ALDH1L2: variants seen among roughly 807,000 people sequenced by gnomAD.
ALDH1L2 encodes the protein aldehyde dehydrogenase 1 family member L2, also known as mitochondrial 10-formyltetrahydrofolate dehydrogenase.
A neutral mutation model predicts 111.0 loss-of-function variants in ALDH1L2; 91 were observed. The ratio of observed to expected loss-of-function variants is 0.82; its 90% CI spans 0.69 to 0.98. ALDH1L2 has a LOEUF of 0.98. ALDH1L2 is among the 50% of genes least tolerant of loss of function. The pLI, the probability that ALDH1L2 is intolerant of heterozygous loss-of-function variation, is 0.00. For missense variants in ALDH1L2, 995 were observed against 1,126.8 expected, an observed-to-expected ratio of 0.88 and a Z score of 1.67; for synonymous variants, 374 against 392.6, an observed-to-expected ratio of 0.95 and a Z score of 0.56.
At chr12:105,069,110 A>G (rs573869548) in intron 3 of ALDH1L2, among the ~76,000 whole-genome samples, 39 of 152,278 alleles carry the variant, frequency 2.6e-4, no homozygotes, top group African/African-American at 9.4e-4. Flanking sequence ...TTTCTTGTTA[A>G]TGTACAGTAA....
Position 105,030,336 on chromosome 12 carries a change from T to G in ALDH1L2, c.2504A>C (p.Lys835Thr), listed in dbSNP as rs1376609982. Residue 835 changes from lysine to threonine, a missense_variant, in exon 21 of 23, where the codon AAA (lysine) becomes ACA (threonine). By Grantham distance (78) the Lys-to-Thr change is moderately conservative. Coordinates refer to ENST00000258494, the MANE Select transcript of ALDH1L2 (RefSeq NM_001034173.4). ...CTGAAGAACCTACCCATTTTGGAAT[T>G]TAGAAATGACCATAATAGGCCCAAA... is the stretch of plus-strand genomic sequence containing the variant. Reference protein sequence around the residue: ...ESFGPIMVISKFQNGDIDGVL... With the variant: ...ESFGPIMVISTFQNGDIDGVL... The G allele has an allele frequency of 3.1e-6, 5 of 1,609,426 alleles. No homozygotes were observed. In the East Asian group the frequency reaches 1.1e-4, roughly 36 times the overall value.
chr12:105,068,930 A>T, intron 3 of ALDH1L2, 46 bp from the exon 4 acceptor site: 3 of 1,402,922 alleles, frequency 2.1e-6, no homozygotes, highest in Middle Eastern at 3.7e-4. Flanking sequence ...TAACTGTATC[A>T]TAAAGTGATG....
rs1310335502 is a variant in ALDH1L2 at position 105,065,444 on chromosome 12, C to T, written c.697-88G>A. 10 of 1,074,504 alleles carry T rather than the reference C, an allele frequency of 9.3e-6. No homozygotes were observed. The East Asian group carries it at 2.3e-4, about 24-fold the overall frequency. The allele number at this position is 1,074,504 out of a possible 1,614,324, so 66.6% of individuals were successfully genotyped here. ...CGCTTCTCGTCATCAGAGGCAGAAA[C>T]ACTTGTTATTGGGAAATAAAGGAAT... On this transcript the variant is annotated intron_variant, in intron 5 of 22. Transcript: ENST00000258494.
chr12:105,069,915 T>G (rs981015456), intron 3 of ALDH1L2, among the ~76,000 whole-genome samples: 3 of 152,176 alleles, frequency 2.0e-5, no homozygotes, highest in Non-Finnish European at 4.4e-5. Flanking sequence ...TAGAGTTGAA[T>G]GGGGAAGATG....
At chr12:105,060,847 AAG>A in intron 9 of ALDH1L2, 132 bp downstream of exon 9, 1 of 568,668 alleles carries the variant, frequency 1.8e-6, no homozygotes, top group Non-Finnish European at 2.8e-6. Flanking sequence ...AAAAAAAAAA[AAG>A]ATGAGTCATA....
At chr12:105,032,624 G>C (rs997147904) in intron 19 of ALDH1L2, among the ~76,000 whole-genome samples, 26 of 152,126 alleles carry the variant, frequency 1.7e-4, no homozygotes, top group African/African-American at 6.3e-4. Context: ...TTAAGTAAGT[G>C]CACCCAACCA....
At chr12:105,030,497 A>T in intron 20 of ALDH1L2, 68 bp from the exon 21 acceptor site, 2 of 1,276,350 alleles carry the variant, frequency 1.6e-6, no homozygotes, top group South Asian at 3.1e-5. Flanking sequence ...TAGTCCTCTC[A>T]CTTAATTACA....
At chr12:105,037,527 C>G (rs1168056471) in intron 18 of ALDH1L2, among the ~76,000 whole-genome samples, 1 of 151,888 alleles carries the variant, frequency 6.6e-6, no homozygotes, top group Non-Finnish European at 1.5e-5. Flanking sequence ...GCTAGAAGCC[C>G]TAATAGAATA....
chr12:105,024,476 T>C lies in ALDH1L2; in HGVS notation c.2720A>G (p.Glu907Gly). 3 of 1,613,942 alleles carry C rather than the reference T, an allele frequency of 1.9e-6. No homozygotes were observed. The highest frequency in any genetic ancestry group is 2.5e-6 in the Non-Finnish European group (3 of 1,179,904). Residue 907 changes from glutamate (E) to glycine (G), a missense_variant, in exon 23 of 23, where the codon GAG (glutamate) becomes GGG (glycine). Glu to Gly is a moderately conservative substitution (Grantham distance 98). Coordinates refer to ENST00000258494, the MANE Select transcript of ALDH1L2 (RefSeq NM_001034173.4). ...TTTGAGATATTCATTTAGAGCTTCC[T>C]CACCTAGGGAAGAGAAAAGCAGTTG... ...KQSGFGKDLG[E>G]EALNEYLKTK...
intron 15 of ALDH1L2, among the ~76,000 whole-genome samples, chr12:105,042,908 A>G (rs1182876194): frequency 6.6e-6 from 1 of 152,182 alleles, no homozygotes; most frequent in Non-Finnish European, 1.5e-5. Flanking sequence ...TTAAAAACCA[A>G]CGTCCATTCA....
rs1479241796 is a variant in ALDH1L2 at position 105,052,192 on chromosome 12, G to A, written c.1433C>T (p.Ser478Phe). The change falls in exon 12 of 23, where the codon TCT becomes TTT. Residue 478 changes from serine (S) to phenylalanine (F), a missense_variant. Transcript: ENST00000258494. ...TACTGCTTTATCAACATCCGCCAAAGAAGCGTAGGATACTTTGCATATTGT... is the reference window on the plus strand; with the variant it reads ...TACTGCTTTATCAACATCCGCCAAAAAAGCGTAGGATACTTTGCATATTGT... ...GSTICKVSYA[S>F]LADVDKAVAA... 6.2e-7 allele frequency: 1 copy of A among 1,609,888 alleles called. No individual in the cohort carries two copies. The highest frequency in any genetic ancestry group is 1.1e-5 in the South Asian group (1 of 90,294).
At chr12:105,046,617 T>G in intron 15 of ALDH1L2, 93 bp downstream of exon 15, 4 of 1,146,960 alleles carry the variant, frequency 3.5e-6, no homozygotes, top group Non-Finnish European at 4.9e-6. Context: ...TACCATCTCA[T>G]TTTTGTTTGC....
chr12:105,029,114 T>G (rs544575759), intron 21 of ALDH1L2, among the ~76,000 whole-genome samples: 1 of 150,890 alleles, frequency 6.6e-6, no homozygotes, highest in Non-Finnish European at 1.5e-5. Flanking sequence ...GCAGCCTCCA[T>G]CTCCTTGGGC....
intron 4 of ALDH1L2, among the ~76,000 whole-genome samples, chr12:105,068,090 C>CTCTCTT (rs1363640408): frequency 1.3e-5 from 2 of 152,136 alleles, no homozygotes; most frequent in Non-Finnish European, 2.9e-5. Context: ...TTGAATGATA[C>CTCTCTT]AAGCAAAGCA....
At chr12:105,042,178 GT>G (rs1565955045) in intron 15 of ALDH1L2, among the ~76,000 whole-genome samples, 1 of 152,104 alleles carries the variant, frequency 6.6e-6, no homozygotes, top group Non-Finnish European at 1.5e-5. Flanking sequence ...AAACCCATGA[GT>G]TTACACTGAT....
At chr12:105,075,418 C>CT (rs1182314419) in intron 1 of ALDH1L2, among the ~76,000 whole-genome samples, 1 of 152,172 alleles carries the variant, frequency 6.6e-6, no homozygotes, top group Non-Finnish European at 1.5e-5. Context: ...AACCCTGTCT[C>CT]TACTAAAAAT....
At chr12:105,038,715 C>T (rs1875339484) in intron 17 of ALDH1L2, among the ~76,000 whole-genome samples, 1 of 152,086 alleles carries the variant, frequency 6.6e-6, no homozygotes, top group Admixed American at 6.6e-5. Flanking sequence ...ATAGATAAAA[C>T]AGATGGTAGA....
chr12:105,038,286 ACACACAC>A, intron 17 of ALDH1L2, 84 bp from the exon 18 acceptor site: 1 of 138,784 alleles, frequency 7.2e-6, no homozygotes, highest in Non-Finnish European at 1.2e-5. Flanking sequence ...ACAAACACAC[ACACACAC>A]ACACACACAC....
chr12:105,046,211 ATATATATATATTTTTTTTT>A (rs1875878164), intron 15 of ALDH1L2, among the ~76,000 whole-genome samples: 4 of 50,862 alleles, frequency 7.9e-5, no homozygotes, highest in African/African-American at 2.8e-4. Context: ...ATATATATAT[ATATATATATATTTTTTTTT>A]TTTTTTTTTT....
Sources: gnomAD v4.1 joint callset for allele counts (sites outside exome capture counted in the v4.1 genomes callset) on GRCh38, gnomAD v4.1.1 for gene constraint, MANE v1.5 for transcripts, NCBI Gene and HGNC (gene_info 2026-07-23, HGNC 2026-07-21) for gene names.